The following DPF3 variants were observed in gnomAD, a reference collection of about 807,000 sequenced individuals.
DPF3 encodes the protein zinc finger protein DPF3.
DPF3 carries 18 observed loss-of-function variants against 56.8 expected under a neutral mutation model. The observed-to-expected ratio is 0.32, with a 90% confidence interval of 0.22 to 0.47. The LOEUF (loss-of-function observed/expected upper bound fraction) is 0.47. Ranked by LOEUF, DPF3 falls within the 20% of genes least tolerant of loss-of-function variation. DPF3 has a pLI of 1.00. For synonymous variants in DPF3, 188 were observed against 180.2 expected (o/e 1.04, Z -0.35); for missense variants, 403 against 488.8 (o/e 0.82, Z 1.65).
At chr14:72,619,502 C>A (rs1277194184) in intron 10 of DPF3, 135 bp from the exon 11 acceptor site, 5 of 977,584 alleles carry the variant, frequency 5.1e-6, no homozygotes, top group East Asian at 5.2e-5. Context: ...GGCCTGAAAA[C>A]GTGCCAGAGT....
At position 72,613,207 on chromosome 14, in the gene DPF3, T is replaced by C. The variant is rs1883864887; in HGVS notation, c.*6090A>G. On this transcript the variant is annotated 3_prime_UTR_variant, in exon 11 of 11. Transcript: ENST00000556509. ...AGGGTTGTGTTGCTGAGGGAATATA[T>C]AGGCCCCAGGGGCTCACAGGCCTCT... Among the ~76,000 whole-genome samples the C allele has an allele frequency of 6.6e-6, 1 of 152,086 alleles. No homozygotes were observed. The highest frequency in any genetic ancestry group is 2.4e-5 in the African/African-American group (1 of 41,408).
intron 1 of DPF3, among the ~76,000 whole-genome samples, chr14:72,804,955 C>T (rs1882683691): frequency 6.6e-6 from 1 of 151,808 alleles, no homozygotes; most frequent in Admixed American, 6.6e-5. Flanking sequence ...TGCTAGGCAT[C>T]AAGCTAGCAA....
At position 72,789,050 on chromosome 14, in the gene DPF3, C is replaced by T. The variant is rs369612839; in HGVS notation, c.33-17157G>A. Among the ~76,000 whole-genome samples, 149 of 152,298 alleles carry T rather than the reference C, an allele frequency of 9.8e-4. 4 individuals are homozygous for T. In the South Asian group the frequency reaches 0.029, roughly 29 times the overall value. On this transcript the variant is annotated intron_variant, in intron 1 of 10. Coordinates refer to ENST00000556509, the MANE Select transcript of DPF3 (RefSeq NM_001280542.3). ...AGGCCTCCCTCCAATAATGGTGTGG[C>T]TACTTATTCGAAAACCATCACGTGT...
At chr14:72,671,196 G>A in intron 8 of DPF3, 3 of 1,614,008 alleles carry the variant, frequency 1.9e-6, no homozygotes, top group Non-Finnish European at 2.5e-6. Flanking sequence ...GTCCTCGACA[G>A]GAGCGAGGCT....
chr14:72,797,533 T>A (rs1892692993), intron 1 of DPF3, among the ~76,000 whole-genome samples: 1 of 152,184 alleles, frequency 6.6e-6, no homozygotes, highest in African/African-American at 2.4e-5. Context: ...GATATATCAA[T>A]ACAGCTGTGA....
At chr14:72,874,072 T>TA (rs60863230) in intron 1 of DPF3, among the ~76,000 whole-genome samples, 18,039 of 129,652 alleles carry the variant, frequency 0.14, 1,197 homozygotes, top group African/African-American at 0.16. Flanking sequence ...TAAAGTATGA[T>TA]AAAAAAAAAA....
intron 6 of DPF3, among the ~76,000 whole-genome samples, chr14:72,703,222 G>C (rs1485605769): frequency 6.6e-6 from 1 of 152,062 alleles, no homozygotes; most frequent in East Asian, 1.9e-4. Context: ...CCTTCTTTCA[G>C]GCCACCCTTG....
At chr14:72,669,884 A>G in intron 8 of DPF3, 1 of 985,826 alleles carries the variant, frequency 1.0e-6, no homozygotes, top group Non-Finnish European at 1.2e-6. Context: ...AAGGAAAAAG[A>G]AAAAGAAAAC....
chr14:72,872,303 A>T lies in DPF3; in HGVS notation c.32+21754T>A, dbSNP rs1262606377. On this transcript the variant is annotated intron_variant, in intron 1 of 10. Coordinates refer to ENST00000556509, the MANE Select transcript of DPF3 (RefSeq NM_001280542.3). The stretch of plus-strand genomic sequence containing the variant: ...TGAAGGTCTCTGACATGGCCTGGAG[A>T]CATTTTCCCCAGGGTCTTGAGGATT... Among the ~76,000 whole-genome samples the T allele has an allele frequency of 3.9e-5, 6 of 152,312 alleles. No individual in the cohort carries two copies. In the South Asian group the frequency reaches 8.3e-4, roughly 21 times the overall value.
At chr14:72,670,223 C>G (rs558069673) in intron 8 of DPF3, 103 of 985,876 alleles carry the variant, frequency 1.0e-4, no homozygotes, top group Non-Finnish European at 1.1e-4. Flanking sequence ...TCCAGAAGCA[C>G]GGCCTCGGCC....
At position 72,670,179 on chromosome 14, in the gene DPF3, G is replaced by A. The variant is rs114690939; in HGVS notation, c.871+4061C>T. 2.1e-3 allele frequency: 2,084 copies of A among 985,978 alleles called. 32 individuals carry two copies. In the African/African-American group the frequency reaches 0.03, roughly 14 times the overall value. The allele number at this position is 985,978 out of a possible 1,614,324, so 61.1% of individuals were successfully genotyped here. A position where few individuals can be genotyped will look rare whatever the true frequency, so the allele number is the denominator to read the frequency against. ...ATACGTTTCTTAACAGGGGCAAGGG[G>A]AGGGGAAACACACGATGATGTCTCC... On this transcript the variant is annotated intron_variant, in intron 8 of 10. Transcript: ENST00000556509.
At chr14:72,686,944 A>G (rs541492222) in intron 7 of DPF3, among the ~76,000 whole-genome samples, 63 of 152,362 alleles carry the variant, frequency 4.1e-4, no homozygotes, top group African/African-American at 1.4e-3. Context: ...CCCTCAAGCC[A>G]TATGTTAGAG....
At chr14:72,819,399 G>A (rs1883430421) in intron 1 of DPF3, among the ~76,000 whole-genome samples, 3 of 152,152 alleles carry the variant, frequency 2.0e-5, no homozygotes, top group Non-Finnish European at 1.5e-5. Flanking sequence ...GACATACACA[G>A]ATGCTCGTGG....
intron 6 of DPF3, among the ~76,000 whole-genome samples, chr14:72,707,161 AT>A (rs1367085068): frequency 6.6e-6 from 1 of 152,056 alleles, no homozygotes; most frequent in East Asian, 1.9e-4. Flanking sequence ...TGAACTCATC[AT>A]TTTTTATGGC....
At chr14:72,671,481 C>A (rs1060570) in intron 8 of DPF3, 509,338 of 1,182,106 alleles carry the variant, frequency 0.43, 113,600 homozygotes, top group East Asian at 0.61. Context: ...CGGTGCATCA[C>A]CTGGTGACGG....
intron 3 of DPF3, among the ~76,000 whole-genome samples, chr14:72,751,643 G>GA (rs1890578914): frequency 6.6e-6 from 1 of 152,156 alleles, no homozygotes; most frequent in Non-Finnish European, 1.5e-5. Flanking sequence ...CAATGGAATT[G>GA]AAAAAGAGTA....
chr14:72,863,916 C>A (rs1178003219), intron 1 of DPF3, among the ~76,000 whole-genome samples: 1 of 152,116 alleles, frequency 6.6e-6, no homozygotes, highest in African/African-American at 2.4e-5. Context: ...CAAGTAGAGA[C>A]CTGGGGGTCG....
chr14:72,620,947 C>T (rs1884397349), intron 9 of DPF3, among the ~76,000 whole-genome samples: 1 of 152,190 alleles, frequency 6.6e-6, no homozygotes, highest in African/African-American at 2.4e-5. Context: ...TCGAGACCAG[C>T]TTGGCCAACA....
chr14:72,854,994 T>C lies in DPF3; in HGVS notation c.32+39063A>G, dbSNP rs575943267. On this transcript the variant is annotated intron_variant, in intron 1 of 10. Transcript: ENST00000556509. ...AGGCTAAGAAAATCCTCACCTTTAA[T>C]ATTAATAAGACTTGTGCAGTCCCCG... 2.0e-5 allele frequency among the ~76,000 whole-genome samples: 3 copies of C among 152,290 alleles called. No homozygotes were observed. The South Asian group carries it at 6.2e-4, about 32-fold the overall frequency.
Sources: gnomAD v4.1 joint callset for allele counts (sites outside exome capture counted in the v4.1 genomes callset) on GRCh38, gnomAD v4.1.1 for gene constraint, MANE v1.5 for transcripts, NCBI Gene and HGNC (gene_info 2026-07-23, HGNC 2026-07-21) for gene names.